The following NR2C2 variants were observed in gnomAD, a reference collection of about 807,000 sequenced individuals.
The protein encoded by NR2C2 is Nuclear hormone receptor TR4.
A neutral mutation model predicts 62.9 loss-of-function variants in NR2C2; 6 were observed. The ratio of observed to expected loss-of-function variants is 0.10; its 90% CI spans 0.05 to 0.19. The LOEUF (loss-of-function observed/expected upper bound fraction) is 0.19. NR2C2 is among the 10% of genes least tolerant of loss of function. NR2C2 has a pLI of 1.00. For synonymous variants in NR2C2, 272 were observed against 273.8 expected (o/e 0.99, Z 0.07); for missense variants, 479 against 762.7 (o/e 0.63, Z 4.38).
In NR2C2 at chr3:15,038,136, C is replaced by A. The variant is rs148205226; in HGVS notation, c.1509C>A (p.Pro503=). The A allele has an allele frequency of 7.5e-5, 120 of 1,608,924 alleles. No homozygotes were observed. Among genetic ancestry groups the A allele is most frequent in the Non-Finnish European group, 9.4e-5 (111 of 1,177,642 alleles). ...AYLKAIVLFS[P]DHPGLTSTSQ... The stretch of plus-strand genomic sequence containing the variant: ...TTAAAGCTATAGTTCTCTTTAGCCC[C>A]GGTAAGATATGCGGTGGGGATGCAT... Residue 503 remains proline (P), a splice_region_variant and synonymous_variant, in exon 12 of 14, where the codon CCC becomes CCA. Coordinates refer to ENST00000425241, the MANE Select transcript of NR2C2 (RefSeq NM_001291694.2).
intron 13 of NR2C2, chr3:15,042,503 G>T: frequency 4.7e-6 from 1 of 210,692 alleles, no homozygotes; most frequent in South Asian, 1.6e-4. Context: ...TTTTAAATGA[G>T]TCTCTAGCAG....
At chr3:14,976,194 C>G (rs2040198727) in intron 1 of NR2C2, among the ~76,000 whole-genome samples, 1 of 152,138 alleles carries the variant, frequency 6.6e-6, no homozygotes, top group Admixed American at 6.6e-5. Flanking sequence ...AGTTTATAAT[C>G]TTTTCTTATT....
intron 7 of NR2C2, among the ~76,000 whole-genome samples, chr3:15,024,619 G>T (rs923627250): frequency 2.6e-5 from 4 of 152,218 alleles, no homozygotes; most frequent in African/African-American, 9.6e-5. Context: ...GAATCTATCA[G>T]TTCCAAAACT....
At chr3:14,959,381 T>G in intron 1 of NR2C2, among the ~76,000 whole-genome samples, 1 of 152,378 alleles carries the variant, frequency 6.6e-6, no homozygotes, top group Non-Finnish European at 1.5e-5. Flanking sequence ...TTGTGACTTA[T>G]TTTCAAAAGT....
In NR2C2 at chr3:14,959,820, A is replaced by T. The variant is rs2039641880; in HGVS notation, c.-40+11914A>T. Among the ~76,000 whole-genome samples the T allele has an allele frequency of 2.6e-5, 4 of 152,216 alleles. No individual in the cohort carries two copies. The South Asian group carries it at 8.3e-4, about 32-fold the overall frequency. ...GATAGTGGTGGTGACCAAGAGAAAG[A>T]CACAGAGAACTTAGTGGAATAGAAT... is the stretch of plus-strand genomic sequence containing the variant. On this transcript the variant is annotated intron_variant, in intron 1 of 13. Coordinates refer to ENST00000425241, the MANE Select transcript of NR2C2 (RefSeq NM_001291694.2).
intron 3 of NR2C2, among the ~76,000 whole-genome samples, chr3:15,014,626 G>A (rs1015081052): frequency 1.3e-5 from 2 of 151,936 alleles, no homozygotes; most frequent in Non-Finnish European, 2.9e-5. Context: ...CTGAAACTCT[G>A]TACTCATTGA....
intron 1 of NR2C2, among the ~76,000 whole-genome samples, chr3:14,968,040 A>G (rs1276690204): frequency 6.6e-6 from 1 of 152,258 alleles, no homozygotes; most frequent in Non-Finnish European, 1.5e-5. Flanking sequence ...AAACCCTAGA[A>G]TAAAACCTAG....
At chr3:14,953,308 G>A (rs1316944842) in intron 1 of NR2C2, among the ~76,000 whole-genome samples, 1 of 152,180 alleles carries the variant, frequency 6.6e-6, no homozygotes, top group Non-Finnish European at 1.5e-5. Flanking sequence ...TCCCTGAAAT[G>A]TTAACATGTA....
At chr3:14,994,824 AG>A (rs1353337919) in intron 1 of NR2C2, among the ~76,000 whole-genome samples, 1 of 148,780 alleles carries the variant, frequency 6.7e-6, no homozygotes, top group Non-Finnish European at 1.5e-5. Flanking sequence ...CTGAGACAGG[AG>A]GATCGCTTGA....
At chr3:15,013,083 T>TGG (rs1409468404) in intron 2 of NR2C2, among the ~76,000 whole-genome samples, 1 of 151,826 alleles carries the variant, frequency 6.6e-6, no homozygotes, top group Non-Finnish European at 1.5e-5. Context: ...GTGAAGGAGG[T>TGG]GGGTGGTCAA....
chr3:15,015,569 C>T (rs549527766), intron 3 of NR2C2, among the ~76,000 whole-genome samples: 3 of 152,342 alleles, frequency 2.0e-5, no homozygotes, highest in Non-Finnish European at 4.4e-5. Flanking sequence ...TGATTCCCCA[C>T]ATGGGCCACA....
intron 9 of NR2C2, among the ~76,000 whole-genome samples, chr3:15,031,864 A>AACT (rs1431137117): frequency 6.6e-6 from 1 of 151,844 alleles, no homozygotes; most frequent in African/African-American, 2.4e-5. Flanking sequence ...AAGTAGCTGG[A>AACT]ACTACAGGTG....
chr3:15,038,965 G>A (rs1233526670), intron 12 of NR2C2, 157 bp from the exon 13 acceptor site: 2 of 625,906 alleles, frequency 3.2e-6, no homozygotes, highest in African/African-American at 3.7e-5. Context: ...CAGAGGAAAA[G>A]CCAGTGTTCT....
At chr3:14,977,610 C>A (rs771111513) in intron 1 of NR2C2, among the ~76,000 whole-genome samples, 8 of 151,910 alleles carry the variant, frequency 5.3e-5, no homozygotes, top group Non-Finnish European at 1.2e-4. Flanking sequence ...TCTTTTAGTT[C>A]CTTTCTTTCC....
Position 15,044,980 on chromosome 3 carries a change from G to A in NR2C2, c.*1972G>A, listed in dbSNP as rs1427332199. 6.6e-6 allele frequency: 1 copy of A among 152,182 alleles called. No individual in the cohort carries two copies. Among genetic ancestry groups the A allele is most frequent in the East Asian group, 1.9e-4 (1 of 5,206 alleles). The allele number at this position is 152,182 out of a possible 1,614,324, so 9.4% of individuals were successfully genotyped here. A position where few individuals can be genotyped will look rare whatever the true frequency, so the allele number is the denominator to read the frequency against. On this transcript the variant is annotated 3_prime_UTR_variant, in exon 14 of 14. Transcript: ENST00000425241. ...CAAATTTTGGAGAGTAGTGGGAGTG[G>A]CCATTATAAAATGATGGAAAGGATT...
intron 1 of NR2C2, among the ~76,000 whole-genome samples, chr3:14,952,881 C>G (rs1405167805): frequency 6.6e-6 from 1 of 152,118 alleles, no homozygotes; most frequent in African/African-American, 2.4e-5. Context: ...GAGCTCTATA[C>G]CAAAAGGAAG....
chr3:14,962,502 AG>A (rs993731169), intron 1 of NR2C2: 1 of 152,618 alleles, frequency 6.6e-6, no homozygotes, highest in African/African-American at 2.4e-5. Context: ...GGTGAGTGAC[AG>A]GGGCTAGCAC....
chr3:14,990,332 A>C (rs2040634383), intron 1 of NR2C2, among the ~76,000 whole-genome samples: 1 of 152,212 alleles, frequency 6.6e-6, no homozygotes, highest in African/African-American at 2.4e-5. Context: ...AGTGGCAGCA[A>C]TCTAGGTGAA....
At chr3:15,034,590 G>A (rs1158697369) in intron 10 of NR2C2, 80 bp from the exon 11 acceptor site, 8 of 1,466,020 alleles carry the variant, frequency 5.5e-6, no homozygotes, top group African/African-American at 1.4e-5. Context: ...GGGAAATGCT[G>A]GGACTTAGTG....
Sources: allele counts gnomAD v4.1 joint callset (sites outside exome capture counted in the v4.1 genomes callset), GRCh38; gene constraint gnomAD v4.1.1; transcripts MANE v1.5; gene names NCBI Gene and HGNC (gene_info 2026-07-23, HGNC 2026-07-21).